LY75: variants seen among roughly 807,000 people sequenced by gnomAD.
LY75 encodes the protein C-type lectin domain family 13 member B.
A neutral mutation model predicts 231.7 loss-of-function variants in LY75; 185 were observed. The ratio of observed to expected loss-of-function variants is 0.80; its 90% confidence interval spans 0.71 to 0.90. The LOEUF (loss-of-function observed/expected upper bound fraction) is 0.90. Ranked by LOEUF, LY75 falls within the 40% of genes least tolerant of loss-of-function variation. LY75 has a pLI of 0.00. For synonymous variants in LY75, 668 were observed against 689.0 expected, an observed-to-expected ratio of 0.97 and a Z score of 0.48; for missense variants, 1,947 against 2,050.2, an observed-to-expected ratio of 0.95 and a Z score of 0.97.
At chr2:159,855,716 T>C (rs1684528824) in intron 16 of LY75, among the ~76,000 whole-genome samples, 1 of 152,208 alleles carries the variant, frequency 6.6e-6, no homozygotes, top group South Asian at 2.1e-4. Flanking sequence ...TGTGATGCCC[T>C]GGAGGAAGTG....
At chr2:159,887,629 C>T (rs936585757) in intron 4 of LY75, among the ~76,000 whole-genome samples, 2 of 143,972 alleles carry the variant, frequency 1.4e-5, no homozygotes, top group Non-Finnish European at 3.1e-5. Context: ...GAGGTTAAAA[C>T]ACAGTTTTCT....
chr2:159,875,533 G>T lies in LY75; in HGVS notation c.1885C>A (p.Pro629Thr), dbSNP rs1386764203. ...ALSICKKMSG[P>T]LGPEEASPKP... ...GGGGATGCTTCTTCAGGCCCAAGGG[G>T]TCCACTCATTTTCTTGCAAATTGAA... The change falls in exon 12 of 35, where the codon CCC (proline) becomes ACC (threonine). Residue 629 changes from proline (P) to threonine (T), a missense_variant. Coordinates refer to ENST00000263636, the MANE Select transcript of LY75 (RefSeq NM_002349.4). The T allele has an allele frequency of 1.9e-6, 3 of 1,614,050 alleles. No individual in the cohort carries two copies. The highest frequency in any genetic ancestry group is 2.5e-6 in the Non-Finnish European group (3 of 1,179,992).
At position 159,893,862 on chromosome 2, in the gene LY75, C is replaced by G. The variant is rs574605904; in HGVS notation, c.637+52G>C. 9 of 1,537,222 alleles carry G rather than the reference C, an allele frequency of 5.9e-6. No homozygotes were observed. The South Asian group carries it at 1.0e-4, about 18-fold the overall frequency. Reference sequence around the variant, plus strand: ...TTTGAACTCTTCCTTCTCCCTATTGCCTCATATAAATGTACTACCTTTCCA... The same window carrying G: ...TTTGAACTCTTCCTTCTCCCTATTGGCTCATATAAATGTACTACCTTTCCA... On this transcript the variant is annotated intron_variant, in intron 3 of 34. Coordinates refer to ENST00000263636, the MANE Select transcript of LY75 (RefSeq NM_002349.4).
rs190747025 is a variant in LY75, at chr2:159,823,927, C to T, written c.3959-4007G>A. On this transcript the variant is annotated intron_variant, in intron 28 of 34. Coordinates refer to ENST00000263636, the MANE Select transcript of LY75 (RefSeq NM_002349.4). ...GAGATTTTGTCACCACCAAGCCTGC[C>T]TTACAAGAGCTCCTGAAGGAAGCAC... 5.3e-5 allele frequency among the ~76,000 whole-genome samples: 8 copies of T among 152,312 alleles called. No individual in the cohort carries two copies. In the East Asian group the frequency reaches 1.5e-3, roughly 29 times the overall value.
At chr2:159,863,239 T>A (rs1684766581) in intron 14 of LY75, among the ~76,000 whole-genome samples, 1 of 152,192 alleles carries the variant, frequency 6.6e-6, no homozygotes, top group Admixed American at 6.5e-5. Flanking sequence ...ATTTCCTATC[T>A]TGGCTACCAT....
chr2:159,874,708 ATGTAAATATATATATTTTGTAAATAT>A (rs1685184939), intron 12 of LY75, among the ~76,000 whole-genome samples: 1 of 6,852 alleles, frequency 1.5e-4, no homozygotes, highest in African/African-American at 5.6e-4. Context: ...TTGTAAATAT[ATGTAAATATATATATTTTGTAAATAT>A]ATGTAAATAT....
chr2:159,853,068 C>G (rs550073911), intron 20 of LY75, among the ~76,000 whole-genome samples: 10 of 152,266 alleles, frequency 6.6e-5, no homozygotes, highest in Admixed American at 1.3e-4. Context: ...TAAGTAACTG[C>G]TTTAGGATAA....
At chr2:159,811,706 T>C (rs1682967289) in intron 31 of LY75, among the ~76,000 whole-genome samples, 2 of 152,206 alleles carry the variant, frequency 1.3e-5, no homozygotes, top group African/African-American at 4.8e-5. Flanking sequence ...GACTCTTTAG[T>C]GGCCCTTAGT....
chr2:159,892,962 C>T (rs559479055), intron 3 of LY75, among the ~76,000 whole-genome samples: 11 of 152,290 alleles, frequency 7.2e-5, no homozygotes, highest in Non-Finnish European at 1.3e-4. Context: ...TAAGATTTCA[C>T]CATTCTAAAA....
chr2:159,868,205 C>T lies in LY75; in HGVS notation c.2118-3285G>A, dbSNP rs73000739. Among the ~76,000 whole-genome samples the T allele has an allele frequency of 7.0e-3, 1,067 of 152,274 alleles. 10 individuals are homozygous for T. Among genetic ancestry groups the T allele is most frequent in the African/African-American group, 0.024 (991 of 41,540 alleles). ...TTAAGCAAACAAAGCAGTCTGCTTACCATGGCATTGTGTTAACTGCTAGGA... is the reference window on the plus strand; with the variant it reads ...TTAAGCAAACAAAGCAGTCTGCTTATCATGGCATTGTGTTAACTGCTAGGA... On this transcript the variant is annotated intron_variant, in intron 13 of 34. Transcript: ENST00000263636.
At chr2:159,878,580 C>T in intron 10 of LY75, 53 bp downstream of exon 10, 1 of 1,612,586 alleles carries the variant, frequency 6.2e-7, no homozygotes, top group Non-Finnish European at 8.5e-7. Flanking sequence ...GACTGTTTGG[C>T]AAAAGAATTC....
At position 159,810,577 on chromosome 2, in the gene LY75, C is replaced by T; in HGVS notation, c.4648G>A (p.Asp1550Asn). ...TCTGAAAAACTGTGCAATGCCTGATCAGACTTGTAACAGTGACCCTTGTAC... is the reference window on the plus strand; with the variant it reads ...TCTGAAAAACTGTGCAATGCCTGATTAGACTTGTAACAGTGACCCTTGTAC... ...IQYKGHCYKS[D>N]QALHSFSEAK... The change falls in exon 32 of 35, where the codon GAT (aspartate) becomes AAT (asparagine). Residue 1550 changes from aspartate to asparagine, a missense_variant. By Grantham distance (23) the Asp-to-Asn change is conservative. Coordinates refer to ENST00000263636, the MANE Select transcript of LY75 (RefSeq NM_002349.4). 1 of 1,614,100 alleles carries T rather than the reference C, an allele frequency of 6.2e-7. No homozygotes were observed. The highest frequency in any genetic ancestry group is 1.1e-5 in the South Asian group (1 of 91,066).
chr2:159,875,850 A>T (rs959778124), intron 11 of LY75, among the ~76,000 whole-genome samples: 2 of 152,126 alleles, frequency 1.3e-5, no homozygotes, highest in African/African-American at 4.8e-5. Flanking sequence ...TAATCCTCAT[A>T]ACAAACCTAT....
intron 23 of LY75, among the ~76,000 whole-genome samples, chr2:159,846,850 C>T (rs1684217071): frequency 6.6e-6 from 1 of 151,892 alleles, no homozygotes; most frequent in Non-Finnish European, 1.5e-5. Context: ...AGAAAAAGAA[C>T]ACTCCCACTT....
intron 33 of LY75, chr2:159,807,686 A>T (rs2244183): frequency 0.19 from 183,291 of 980,310 alleles, 19,224 homozygotes; most frequent in African/African-American, 0.38. Flanking sequence ...TAGATGGACA[A>T]CTTGGAATCC....
rs2125824439 is a variant in LY75 at position 159,804,133 on chromosome 2, A to G, written c.*911T>C. On this transcript the variant is annotated 3_prime_UTR_variant, in exon 35 of 35. Coordinates refer to ENST00000263636, the MANE Select transcript of LY75 (RefSeq NM_002349.4). ...TATAAACAATTATAAACAGAAAAAAACTCTTCATATTTACATAATAATGGT... is the reference window on the plus strand; with the variant it reads ...TATAAACAATTATAAACAGAAAAAAGCTCTTCATATTTACATAATAATGGT... 1 of 152,302 alleles carries G rather than the reference A, an allele frequency of 6.6e-6. No individual in the cohort carries two copies. The highest frequency in any genetic ancestry group is 1.9e-4 in the East Asian group (1 of 5,188). The allele number at this position is 152,302 out of a possible 1,614,324, so 9.4% of individuals were successfully genotyped here. A position where few individuals can be genotyped will look rare whatever the true frequency, so the allele number is the denominator to read the frequency against.
chr2:159,853,021 A>G (rs1031890380), intron 20 of LY75, among the ~76,000 whole-genome samples: 2 of 152,222 alleles, frequency 1.3e-5, no homozygotes, highest in African/African-American at 2.4e-5. Flanking sequence ...AAATTTGCTT[A>G]GACACTTATC....
chr2:159,879,946 G>A lies in LY75; in HGVS notation c.1405-577C>T, dbSNP rs539857263. ...TGTTTGAATTAAATTCTAATAAGTC[G>A]ATTGTGATAAGGGTCAGTTTTGAAC... On this transcript the variant is annotated intron_variant, in intron 8 of 34. Coordinates refer to ENST00000263636, the MANE Select transcript of LY75 (RefSeq NM_002349.4). Among the ~76,000 whole-genome samples the A allele has an allele frequency of 3.9e-5, 6 of 152,194 alleles. No individual in the cohort carries two copies. The South Asian group carries it at 1.2e-3, about 32-fold the overall frequency.
chr2:159,825,597 C>A (rs62175254), intron 28 of LY75, among the ~76,000 whole-genome samples: 62,090 of 152,004 alleles, frequency 0.41, 14,377 homozygotes, highest in Non-Finnish European at 0.52. Context: ...ACTCCTCCTT[C>A]ACTCATTTTA....
Sources: gnomAD v4.1 joint callset for allele counts (sites outside exome capture counted in the v4.1 genomes callset) on GRCh38, gnomAD v4.1.1 for gene constraint, MANE v1.5 for transcripts, NCBI Gene and HGNC (gene_info 2026-07-23, HGNC 2026-07-21) for gene names.